ZNF407: variants seen among roughly 807,000 people sequenced by gnomAD.
The protein encoded by ZNF407 is zinc finger protein 407.
Under a neutral mutation model 131.2 loss-of-function variants are expected in ZNF407, and 17 were observed. That is an observed-to-expected ratio of 0.13 (90% CI 0.09 to 0.19). The LOEUF is 0.19. Among genes scored for constraint, ZNF407 ranks in the 10% least tolerant of loss-of-function variants. The pLI, the probability that ZNF407 is intolerant of heterozygous loss-of-function variation, is 1.00. For synonymous variants in ZNF407, 1,156 were observed against 1,062.0 expected (o/e 1.09, Z -1.72); for missense variants, 2,681 against 2,830.6 (o/e 0.95, Z 1.20).
intron 3 of ZNF407, among the ~76,000 whole-genome samples, chr18:74,734,446 G>A (rs749242117): frequency 6.6e-6 from 1 of 152,050 alleles, no homozygotes; most frequent in Non-Finnish European, 1.5e-5. Context: ...ATTCTGATGC[G>A]TCATTACAGA....
At chr18:74,793,201 T>C (rs1280464581) in intron 4 of ZNF407, among the ~76,000 whole-genome samples, 1 of 152,230 alleles carries the variant, frequency 6.6e-6, no homozygotes, top group Non-Finnish European at 1.5e-5. Flanking sequence ...AAAACAGTTT[T>C]GTCAAAAGAA....
In ZNF407 at chr18:75,063,509, C is replaced by G. The variant is rs1973665945; in HGVS notation, c.5788C>G (p.Leu1930Val). Reference sequence around the variant, plus strand: ...AGGCAGCGTGGTGCCCGGACCCATCCTCCCCGAGCAGCTGGCTGATGGAGC... The same window carrying G: ...AGGCAGCGTGGTGCCCGGACCCATCGTCCCCGAGCAGCTGGCTGATGGAGC... ...HVGSVVPGPI[L>V]PEQLADGATQ... is the part of the protein sequence containing the mutation. The change falls in exon 9 of 9, where the codon CTC (leucine) becomes GTC (valine). Residue 1930 changes from leucine (L) to valine (V), a missense_variant. By Grantham distance (32) the Leu-to-Val change is conservative. Coordinates refer to ENST00000299687, the MANE Select transcript of ZNF407 (RefSeq NM_017757.3). The surrounding 1 kb of genome is among the most constrained non-coding windows in gnomAD (Gnocchi z 6.6). The G allele has an allele frequency of 6.3e-7, 1 of 1,586,432 alleles. No individual in the cohort carries two copies. The highest frequency in any genetic ancestry group is 1.8e-5 in the Admixed American group (1 of 55,954).
chr18:74,628,622 G>A (rs1457056250), intron 1 of ZNF407, among the ~76,000 whole-genome samples: 1 of 152,032 alleles, frequency 6.6e-6, no homozygotes, highest in East Asian at 1.9e-4. Context: ...CTCTGTCTCT[G>A]TCTCCCAGGC....
intron 3 of ZNF407, among the ~76,000 whole-genome samples, chr18:74,763,878 T>A (rs1969165730): frequency 6.7e-6 from 1 of 149,198 alleles, no homozygotes; most frequent in Non-Finnish European, 1.5e-5. Flanking sequence ...CCCGGCTAAT[T>A]TTTTTTTTGT....
chr18:74,612,160 C>T (rs1000416828), intron 1 of ZNF407, among the ~76,000 whole-genome samples: 3 of 151,970 alleles, frequency 2.0e-5, no homozygotes, highest in Non-Finnish European at 4.4e-5. Flanking sequence ...ACAGTTTTTT[C>T]CCTTTTTTTA....
chr18:74,903,053 A>G (rs1971550466), intron 7 of ZNF407, among the ~76,000 whole-genome samples: 1 of 152,184 alleles, frequency 6.6e-6, no homozygotes, highest in African/African-American at 2.4e-5. Context: ...AGGTGAGTCT[A>G]AGAGCTTGTG....
intron 5 of ZNF407, among the ~76,000 whole-genome samples, chr18:74,878,968 A>G (rs946879019): frequency 6.6e-6 from 1 of 152,182 alleles, no homozygotes; most frequent in African/African-American, 2.4e-5. Flanking sequence ...TATGATATAC[A>G]ATACATTGGA....
At chr18:74,807,066 C>T (rs756409473) in intron 4 of ZNF407, among the ~76,000 whole-genome samples, 14 of 152,146 alleles carry the variant, frequency 9.2e-5, no homozygotes, top group African/African-American at 2.2e-4. Context: ...GAGATAATAA[C>T]GGGAAGCAAC....
At chr18:74,769,393 G>T (rs1218187758) in intron 3 of ZNF407, among the ~76,000 whole-genome samples, 1 of 151,184 alleles carries the variant, frequency 6.6e-6, no homozygotes, top group Non-Finnish European at 1.5e-5. Context: ...TAGGCAAAGG[G>T]TTCTTTACAG....
At chr18:74,952,416 C>T (rs1972225230) in intron 8 of ZNF407, among the ~76,000 whole-genome samples, 1 of 152,174 alleles carries the variant, frequency 6.6e-6, no homozygotes, top group Non-Finnish European at 1.5e-5. Context: ...CCAAGTTACC[C>T]ACCTGTTTAC....
intron 4 of ZNF407, among the ~76,000 whole-genome samples, chr18:74,849,948 T>TA (rs1268346542): frequency 1.3e-5 from 2 of 152,230 alleles, no homozygotes; most frequent in Non-Finnish European, 2.9e-5. Context: ...CTTATTTTCA[T>TA]AAGGAGGCTA....
chr18:74,614,385 T>C (rs1447006071), intron 1 of ZNF407, among the ~76,000 whole-genome samples: 1 of 152,238 alleles, frequency 6.6e-6, no homozygotes, highest in Admixed American at 6.5e-5. Context: ...TAATTTTATG[T>C]GGCAAATTAT....
intron 8 of ZNF407, among the ~76,000 whole-genome samples, chr18:74,929,019 A>C (rs1234356602): frequency 6.6e-6 from 1 of 152,182 alleles, no homozygotes; most frequent in Non-Finnish European, 1.5e-5. Flanking sequence ...ATTTAAAATA[A>C]AGTTAGAGTA....
At chr18:74,652,671 C>T (rs1404817111) in intron 3 of ZNF407, among the ~76,000 whole-genome samples, 1 of 151,856 alleles carries the variant, frequency 6.6e-6, no homozygotes, top group Non-Finnish European at 1.5e-5. Context: ...TATTTTTCTC[C>T]ATTAGTTTCA....
intron 1 of ZNF407, among the ~76,000 whole-genome samples, chr18:74,622,940 A>G (rs1346569914): frequency 2.6e-5 from 4 of 151,302 alleles, no homozygotes; most frequent in Admixed American, 2.6e-4. Flanking sequence ...ATGTGTGTGT[A>G]TATATCTGTG....
intron 8 of ZNF407, among the ~76,000 whole-genome samples, chr18:74,926,995 A>G (rs1042048101): frequency 6.6e-6 from 1 of 152,112 alleles, no homozygotes; most frequent in African/African-American, 2.4e-5. Context: ...AGTGACCCAA[A>G]TGGTTGTTAT....
chr18:74,920,483 A>G, intron 7 of ZNF407, 31 bp from the exon 8 acceptor site: 4 of 1,541,688 alleles, frequency 2.6e-6, no homozygotes, highest in Non-Finnish European at 3.5e-6. Context: ...TTTGACCTTA[A>G]TTAGATTTAC....
intron 4 of ZNF407, among the ~76,000 whole-genome samples, chr18:74,834,032 G>GA (rs1165571859): frequency 6.6e-6 from 1 of 152,204 alleles, no homozygotes; most frequent in East Asian, 1.9e-4. Context: ...TCTGAAAATA[G>GA]TCTAACTTTG....
At chr18:74,996,544 T>G (rs550271260) in intron 8 of ZNF407, among the ~76,000 whole-genome samples, 9 of 152,360 alleles carry the variant, frequency 5.9e-5, no homozygotes, top group African/African-American at 2.2e-4. Context: ...AGGGCTCTGA[T>G]TTCGTTATTC....
Sources: gnomAD v4.1 joint callset for allele counts (sites outside exome capture counted in the v4.1 genomes callset) on GRCh38, gnomAD v4.1.1 for gene constraint, Gnocchi (gnomAD v3.1) non-coding constraint, MANE v1.5 for transcripts, NCBI Gene and HGNC (gene_info 2026-07-23, HGNC 2026-07-21) for gene names.